The following MYBL2 variants were observed in gnomAD, a reference collection of about 807,000 sequenced individuals.
The protein encoded by MYBL2 is myb-related protein B.
Under a neutral mutation model 79.9 loss-of-function variants are expected in MYBL2, and 28 were observed. The observed-to-expected ratio is 0.35, with a 90% CI of 0.26 to 0.48. The LOEUF (loss-of-function observed/expected upper bound fraction) is 0.48. MYBL2 is among the 20% of genes least tolerant of loss of function. The pLI is 0.99. For synonymous variants in MYBL2, 378 were observed against 361.2 expected (o/e 1.05, Z -0.53); for missense variants, 735 against 893.9 (o/e 0.82, Z 2.27).
rs377420774 is a variant in MYBL2, at chr20:43,673,574, C to A, written c.21-232C>A. ...ATCATTTGAGTCCAGGAGTTCAAGG[C>A]TGCAGTGAGCTACGATCATGCCACA... is the stretch of plus-strand genomic sequence containing the variant. On this transcript the variant is annotated intron_variant, in intron 1 of 13. Transcript: ENST00000217026. 65 of 585,434 alleles carry A rather than the reference C, an allele frequency of 1.1e-4. 1 individual carries two copies. The East Asian group carries it at 1.1e-3, about 10-fold the overall frequency. The allele number at this position is 585,434 out of a possible 1,614,324, so 36.3% of individuals were successfully genotyped here.
At position 43,716,224 on chromosome 20, in the gene MYBL2, T is replaced by G; in HGVS notation, c.*137T>G. On this transcript the variant is annotated 3_prime_UTR_variant, in exon 14 of 14. Coordinates refer to ENST00000217026, the MANE Select transcript of MYBL2 (RefSeq NM_002466.4). ...ACCAGCCCCTCCCCAGACTCTCAGG[T>G]GGAGGCAACAGGGCCATGTGCTGCC... is the stretch of plus-strand genomic sequence containing the variant. The G allele has an allele frequency of 2.2e-6, 3 of 1,375,940 alleles. No individual in the cohort carries two copies. The highest frequency in any genetic ancestry group is 2.0e-6 in the Non-Finnish European group (2 of 1,015,182). The allele number at this position is 1,375,940 out of a possible 1,614,324, so 85.2% of individuals were successfully genotyped here. A position where few individuals can be genotyped will look rare whatever the true frequency, so the allele number is the denominator to read the frequency against.
intron 5 of MYBL2, among the ~76,000 whole-genome samples, chr20:43,690,309 G>A (rs1987377168): frequency 6.6e-6 from 1 of 151,888 alleles, no homozygotes; most frequent in Admixed American, 6.6e-5. Context: ...AGGTTCAAGC[G>A]ATTCTCCTGC....
At chr20:43,705,161 C>T (rs924911548) in intron 8 of MYBL2, 58 bp from the exon 9 acceptor site, 19 of 1,589,118 alleles carry the variant, frequency 1.2e-5, no homozygotes, top group Non-Finnish European at 1.5e-5. Flanking sequence ...CCCCTGAGGT[C>T]TCAGGGATAC....
At chr20:43,672,428 A>C (rs1443977562) in intron 1 of MYBL2, among the ~76,000 whole-genome samples, 1 of 2,828 alleles carries the variant, frequency 3.5e-4, no homozygotes, top group Admixed American at 1.9e-3. Context: ...CTGTCATTAC[A>C]AAAAAAAAAA....
At chr20:43,693,984 G>GT (rs1987473887) in intron 6 of MYBL2, among the ~76,000 whole-genome samples, 1 of 152,058 alleles carries the variant, frequency 6.6e-6, no homozygotes, top group Non-Finnish European at 1.5e-5. Flanking sequence ...GGAGGTGGAA[G>GT]TTGCAGTGAG....
chr20:43,685,489 T>C (rs1315992480), intron 4 of MYBL2, among the ~76,000 whole-genome samples: 10 of 152,062 alleles, frequency 6.6e-5, no homozygotes, highest in Non-Finnish European at 1.2e-4. Flanking sequence ...CCTGAGACCT[T>C]GTCTCTTAAG....
chr20:43,681,023 A>G (rs923980658), intron 2 of MYBL2, among the ~76,000 whole-genome samples: 2 of 152,080 alleles, frequency 1.3e-5, no homozygotes, highest in African/African-American at 4.8e-5. Flanking sequence ...CTAGAACTTC[A>G]TGTGCATGGA....
rs369238216 is a variant in MYBL2, at chr20:43,682,874, G to A, written c.267G>A (p.Glu89=). The change falls in exon 4 of 14, where the codon GAG becomes GAA. Residue 89 remains glutamate, a synonymous_variant. Transcript: ENST00000217026. ...TTGTCAAGGGGCCATGGACCAAAGA[G>A]GAAGACCAAAAAGTAACTGCTGGGA... is the stretch of plus-strand genomic sequence containing the variant. ...PDLVKGPWTK[E]EDQKVIELVK... 43 of 1,613,840 alleles carry A rather than the reference G, an allele frequency of 2.7e-5. No individual in the cohort carries two copies. The highest frequency in any genetic ancestry group is 3.6e-5 in the Non-Finnish European group (42 of 1,179,854).
intron 4 of MYBL2, among the ~76,000 whole-genome samples, chr20:43,685,932 G>C (rs976633150): frequency 7.2e-5 from 11 of 152,142 alleles, no homozygotes; most frequent in Non-Finnish European, 1.2e-4. Flanking sequence ...AGCTACTTGG[G>C]AGGCTGAGGC....
intron 6 of MYBL2, among the ~76,000 whole-genome samples, chr20:43,694,086 A>G (rs1272142277): frequency 2.0e-5 from 3 of 152,174 alleles, no homozygotes; most frequent in East Asian, 3.9e-4. Context: ...TAATTGCAGC[A>G]TTTTGGGAGG....
intron 9 of MYBL2, among the ~76,000 whole-genome samples, chr20:43,707,560 T>A (rs1410042948): frequency 6.6e-6 from 1 of 152,162 alleles, no homozygotes; most frequent in African/African-American, 2.4e-5. Flanking sequence ...TTTTTGCTAA[T>A]TTTTCTATTT....
intron 1 of MYBL2, among the ~76,000 whole-genome samples, chr20:43,668,408 G>A (rs1471190277): frequency 1.3e-5 from 2 of 151,984 alleles, no homozygotes; most frequent in African/African-American, 2.4e-5. Flanking sequence ...CACCATGTTA[G>A]CCAGGATGGT....
chr20:43,685,574 A>G (rs1343549205), intron 4 of MYBL2, among the ~76,000 whole-genome samples: 2 of 152,158 alleles, frequency 1.3e-5, no homozygotes, highest in Non-Finnish European at 2.9e-5. Context: ...CCTGGCCAAC[A>G]TGGTGAAACC....
In MYBL2 at chr20:43,692,883, G is replaced by A. The variant is rs1987446002; in HGVS notation, c.663+564G>A. On this transcript the variant is annotated intron_variant, in intron 6 of 13. Coordinates refer to ENST00000217026, the MANE Select transcript of MYBL2 (RefSeq NM_002466.4). ...CCATGTAACCACTGTCACAGTCAAG[G>A]TATACAACAGTCCCATCACCCCAGA... is the stretch of plus-strand genomic sequence containing the variant. Among the ~76,000 whole-genome samples, 3 of 152,288 alleles carry A rather than the reference G, an allele frequency of 2.0e-5. No individual in the cohort carries two copies. In the South Asian group the frequency reaches 6.2e-4, roughly 32 times the overall value.
chr20:43,669,830 C>G (rs1329011397), intron 1 of MYBL2, among the ~76,000 whole-genome samples: 2 of 152,206 alleles, frequency 1.3e-5, no homozygotes, highest in Admixed American at 1.3e-4. Flanking sequence ...CTGACCCTAT[C>G]AAACAGCATT....
intron 2 of MYBL2, among the ~76,000 whole-genome samples, chr20:43,679,654 G>T (rs1456944915): frequency 6.6e-6 from 1 of 152,000 alleles, no homozygotes; most frequent in Admixed American, 6.6e-5. Flanking sequence ...GGTGGCTCAG[G>T]CCTGTAATCC....
chr20:43,712,851 TGACAG>T (rs1987941048), intron 11 of MYBL2, 146 bp from the exon 12 acceptor site: 1 of 641,852 alleles, frequency 1.6e-6, no homozygotes, highest in Non-Finnish European at 2.8e-6. Context: ...CCCATTCTTC[TGACAG>T]CAGATTCCCA....
At chr20:43,679,518 G>A (rs1384618399) in intron 2 of MYBL2, among the ~76,000 whole-genome samples, 1 of 152,052 alleles carries the variant, frequency 6.6e-6, no homozygotes, top group African/African-American at 2.4e-5. Context: ...CCTGTAAACC[G>A]AGTACTGTGG....
chr20:43,681,234 A>G (rs1471761302), intron 2 of MYBL2, among the ~76,000 whole-genome samples: 2 of 152,146 alleles, frequency 1.3e-5, no homozygotes, highest in Admixed American at 6.6e-5. Context: ...TGAGTTCAGT[A>G]ATGACCTCCT....
Sources: gnomAD v4.1 joint callset for allele counts (sites outside exome capture counted in the v4.1 genomes callset) on GRCh38, gnomAD v4.1.1 for gene constraint, MANE v1.5 for transcripts, NCBI Gene and HGNC (gene_info 2026-07-23, HGNC 2026-07-21) for gene names.